IL25: variants seen among roughly 807,000 people sequenced by gnomAD.
IL25 encodes the protein interleukin-25.
A neutral mutation model predicts 13.2 loss-of-function variants in IL25; 10 were observed. That is an observed-to-expected ratio of 0.76 (90% CI 0.47 to 1.29). IL25 has a LOEUF of 1.29. Ranked by LOEUF, IL25 falls within the 50% of genes most tolerant of loss-of-function variation. The pLI, the probability that IL25 is intolerant of heterozygous loss-of-function variation, is 0.00. For missense variants in IL25, 235 were observed against 232.4 expected (o/e 1.01, Z -0.07); for synonymous variants, 107 against 92.1 (o/e 1.16, Z -0.93).
chr14:23,375,812 T>C (rs1456110103), exon 2 of IL25: 1 of 1,614,146 alleles, frequency 6.2e-7, no homozygotes, highest in African/African-American at 1.3e-5. Flanking sequence ...CAAGGGCTAC[T>C]GCCTGGAGCG....
chr14:23,375,896 G>C, exon 2 of IL25: 1 of 1,610,060 alleles, frequency 6.2e-7, no homozygotes, highest in African/African-American at 1.3e-5. Flanking sequence ...CCTGCTGGAG[G>C]CTGGTCCCTT....
intron 1 of IL25, among the ~76,000 whole-genome samples, chr14:23,375,300 A>G (rs1269605268): frequency 1.3e-5 from 2 of 152,226 alleles, no homozygotes; most frequent in Non-Finnish European, 2.9e-5. Flanking sequence ...AATCATTACA[A>G]TAAGAAACCT....
exon 2 of IL25, chr14:23,376,018 G>A (rs1048092358): frequency 6.1e-6 from 7 of 1,155,880 alleles, no homozygotes; most frequent in Non-Finnish European, 8.5e-6. Context: ...GGGACAGGAT[G>A]GGGGGCTTTG....
intron 1 of IL25, among the ~76,000 whole-genome samples, chr14:23,375,354 G>A (rs1030881120): frequency 2.6e-5 from 4 of 152,354 alleles, no homozygotes; most frequent in Middle Eastern, 3.4e-3. Context: ...TGGAGGCTAA[G>A]GCAGGAGCCT....
chr14:23,373,213 C>G (rs776611356), exon 1 of IL25: 2 of 1,614,242 alleles, frequency 1.2e-6, no homozygotes, highest in South Asian at 1.1e-5. Flanking sequence ...GGAACCCACA[C>G]CTACAGCCAC....
chr14:23,375,222 G>T (rs1890510743), intron 1 of IL25, among the ~76,000 whole-genome samples: 3 of 152,154 alleles, frequency 2.0e-5, no homozygotes, highest in African/African-American at 7.2e-5. Flanking sequence ...CTGCACTCCA[G>T]CTTGGGTACT....
exon 1 of IL25, chr14:23,373,104 A>G (rs926722543): frequency 1.2e-6 from 2 of 1,613,794 alleles, no homozygotes; most frequent in African/African-American, 2.7e-5. Context: ...CTGGGATCCC[A>G]GGGGGAGGGT....
At chr14:23,373,014 G>A in exon 1 of IL25, 1 of 1,614,064 alleles carries the variant, frequency 6.2e-7, no homozygotes, top group East Asian at 2.2e-5. Context: ...TGCTGAGAGG[G>A]AGAGGAGCAG....
At chr14:23,374,483 CAAGAAGTCTGT>C (rs1890486649) in intron 1 of IL25, among the ~76,000 whole-genome samples, 1 of 152,184 alleles carries the variant, frequency 6.6e-6, no homozygotes, top group South Asian at 2.1e-4. Context: ...TTAAAGTCTG[CAAGAAGTCTGT>C]AGAAAGTAAA....
chr14:23,374,293 T>A (rs972709502), intron 1 of IL25, among the ~76,000 whole-genome samples: 13 of 152,196 alleles, frequency 8.5e-5, no homozygotes, highest in African/African-American at 2.9e-4. Flanking sequence ...AACTCAGCTG[T>A]CTTCCAGACC....
At chr14:23,373,491 G>C in intron 1 of IL25, 95 bp downstream of exon 2, 2 of 1,076,592 alleles carry the variant, frequency 1.9e-6, no homozygotes, top group Admixed American at 4.8e-5. Flanking sequence ...TTCCCATTTT[G>C]ATCTCAGAGG....
intron 1 of IL25, among the ~76,000 whole-genome samples, chr14:23,374,998 G>A (rs990231825): frequency 1.3e-5 from 2 of 151,220 alleles, no homozygotes; most frequent in Non-Finnish European, 1.5e-5. Context: ...AGTCCGGCCC[G>A]GTGGCTCATG....
chr14:23,375,721 C>A (rs375467367), exon 2 of IL25: 13 of 1,614,118 alleles, frequency 8.1e-6, no homozygotes, highest in Non-Finnish European at 1.7e-6. Flanking sequence ...CCCACATGGA[C>A]CCCCGGGGCA....
exon 2 of IL25, chr14:23,376,204 G>A (rs977506504): frequency 2.1e-5 from 7 of 330,162 alleles, no homozygotes; most frequent in Non-Finnish European, 3.9e-5. Flanking sequence ...GCCCAGCACA[G>A]GCACTTTCTA....
At chr14:23,374,959 G>T (rs1214976634) in intron 1 of IL25, among the ~76,000 whole-genome samples, 3 of 151,406 alleles carry the variant, frequency 2.0e-5, no homozygotes, top group Admixed American at 2.0e-4. Flanking sequence ...TTGCAATAAT[G>T]CTATAATAAT....
At position 23,375,861 on chromosome 14, in the gene IL25, G is replaced by A. The variant is rs145694193; in HGVS notation, c.515G>A (p.Arg172Gln). The A allele has an allele frequency of 2.2e-5, 35 of 1,613,934 alleles. No homozygotes were observed. The highest frequency in any genetic ancestry group is 1.6e-4 in the East Asian group (7 of 44,892). The change falls in exon 2 of 2, where the codon CGG becomes CAG. Residue 172 changes from arginine to glutamine, a missense_variant. Arg to Gln is a conservative substitution (Grantham distance 43). Coordinates refer to ENST00000329715, the Ensembl canonical transcript of IL25. ...GTTTCCTTAGCTTGTGTGTGTGTGC[G>A]GCCCCGTGTGATGGGCTAGCCGGAC...
chr14:23,375,082 C>T (rs1248276568), intron 1 of IL25, among the ~76,000 whole-genome samples: 3 of 152,054 alleles, frequency 2.0e-5, no homozygotes, highest in Non-Finnish European at 4.4e-5. Context: ...CCAGCCTGGC[C>T]AACCATGGCC....
At chr14:23,374,972 T>C (rs1890500829) in intron 1 of IL25, among the ~76,000 whole-genome samples, 1 of 151,854 alleles carries the variant, frequency 6.6e-6, no homozygotes, top group African/African-American at 2.4e-5. Context: ...ATAATAATAA[T>C]AGAAACACCA....
Position 23,375,614 on chromosome 14 carries a change from C to T in IL25, c.279-11C>T, listed in dbSNP as rs745828729. On this transcript the variant is annotated splice_polypyrimidine_tract_variant and intron_variant, in intron 1 of 1. Transcript: ENST00000329715. The stretch of plus-strand genomic sequence containing the variant: ...CATCTTTCCAAGGCCTGACAAGTGC[C>T]GCCCCCACAGGTTGGACAGAGACTT... 2.7e-5 allele frequency: 43 copies of T among 1,609,824 alleles called. No individual in the cohort carries two copies. Among genetic ancestry groups the T allele is most frequent in the Middle Eastern group, 1.7e-4 (1 of 5,832 alleles).
Sources: allele counts gnomAD v4.1 joint callset (sites outside exome capture counted in the v4.1 genomes callset), GRCh38; gene constraint gnomAD v4.1.1; transcripts MANE v1.5; gene names NCBI Gene and HGNC (gene_info 2026-07-23, HGNC 2026-07-21).